CCDC91: variants seen among roughly 807,000 people sequenced by gnomAD.
The protein encoded by CCDC91 is coiled-coil domain containing 91.
CCDC91 carries 48 observed loss-of-function variants against 63.2 expected under a neutral mutation model. The ratio of observed to expected loss-of-function variants is 0.76; its 90% CI spans 0.60 to 0.97. The LOEUF (loss-of-function observed/expected upper bound fraction) is 0.97, where lower values mean the gene tolerates loss of function less well. CCDC91 is among the 50% of genes least tolerant of loss of function. The pLI is 0.00. For synonymous variants in CCDC91, 167 were observed against 165.8 expected, an observed-to-expected ratio of 1.01 and a Z score of -0.06; for missense variants, 500 against 494.6, an observed-to-expected ratio of 1.01 and a Z score of -0.10.
chr12:28,328,365 T>A (rs1412323918), intron 6 of CCDC91, among the ~76,000 whole-genome samples: 18 of 152,246 alleles, frequency 1.2e-4, no homozygotes, highest in Non-Finnish European at 8.8e-5. Flanking sequence ...ACTAGAAAAC[T>A]ATAAATTAAA....
chr12:28,430,098 A>G (rs1386219750), intron 8 of CCDC91, among the ~76,000 whole-genome samples: 3 of 152,074 alleles, frequency 2.0e-5, no homozygotes, highest in African/African-American at 7.2e-5. Flanking sequence ...TACTATTACA[A>G]ATATTTATTT....
At chr12:28,388,345 G>T (rs572465434) in intron 7 of CCDC91, among the ~76,000 whole-genome samples, 215 of 152,216 alleles carry the variant, frequency 1.4e-3, no homozygotes, top group Non-Finnish European at 2.3e-3. Context: ...TGATATGATT[G>T]TATACCTAGT....
chr12:28,534,926 A>G (rs1942031623), intron 12 of CCDC91, among the ~76,000 whole-genome samples: 1 of 152,178 alleles, frequency 6.6e-6, no homozygotes, highest in South Asian at 2.1e-4. Context: ...GCTATCACCA[A>G]AAGACTATAT....
rs117515258 is a variant in CCDC91, at chr12:28,392,900, C to G, written c.762+1489C>G. Among the ~76,000 whole-genome samples the G allele has an allele frequency of 2.2e-3, 335 of 152,218 alleles. 1 individual carries two copies. Among genetic ancestry groups the G allele is most frequent in the Non-Finnish European group, 3.9e-3 (268 of 68,006 alleles). ...TCTAAATTGTTTATTCCCAACATGC[C>G]TAGTATACAGTGGTGAGACAAAGGT... On this transcript the variant is annotated intron_variant, in intron 8 of 12. Transcript: ENST00000536442.
intron 7 of CCDC91, among the ~76,000 whole-genome samples, chr12:28,385,224 T>C (rs1219815604): frequency 2.0e-5 from 3 of 152,180 alleles, no homozygotes; most frequent in African/African-American, 7.2e-5. Context: ...TTTCAGATGA[T>C]ACTTTATGAT....
chr12:28,270,377 G>A (rs767331061), intron 3 of CCDC91, among the ~76,000 whole-genome samples: 1 of 152,124 alleles, frequency 6.6e-6, no homozygotes, highest in Non-Finnish European at 1.5e-5. Context: ...TGTCAAGTCT[G>A]AGGCCATAGA....
At chr12:28,252,594 T>G (rs1946195932) in intron 1 of CCDC91, among the ~76,000 whole-genome samples, 1 of 152,126 alleles carries the variant, frequency 6.6e-6, no homozygotes, top group Non-Finnish European at 1.5e-5. Context: ...CTTGATCATT[T>G]TCTCCCCTGA....
intron 6 of CCDC91, among the ~76,000 whole-genome samples, chr12:28,357,727 C>T (rs558009025): frequency 6.6e-6 from 1 of 152,146 alleles, no homozygotes; most frequent in African/African-American, 2.4e-5. Context: ...CATTTTTTGA[C>T]TTATCTGGGC....
chr12:28,217,347 T>G (rs1656346882), intron 1 of CCDC91, among the ~76,000 whole-genome samples: 1 of 152,164 alleles, frequency 6.6e-6, no homozygotes, highest in African/African-American at 2.4e-5. Context: ...TAAGTTTAGT[T>G]GAACATATTT....
Position 28,302,637 on chromosome 12 carries a change from A to G in CCDC91, c.110-3012A>G, listed in dbSNP as rs1172294232. 7 of 984,716 alleles carry G rather than the reference A, an allele frequency of 7.1e-6. No homozygotes were observed. In the East Asian group the frequency reaches 3.4e-4, roughly 48 times the overall value. The allele number at this position is 984,716 out of a possible 1,614,324, so 61.0% of individuals were successfully genotyped here. A position where few individuals can be genotyped will look rare whatever the true frequency, so the allele number is the denominator to read the frequency against. On this transcript the variant is annotated intron_variant, in intron 3 of 12. Transcript: ENST00000536442. ...GGCAGAGTCAGGGAATGTTAGTAGT[A>G]TGGTGTGACTGGAGTGAAGTTAGCA...
intron 8 of CCDC91, among the ~76,000 whole-genome samples, chr12:28,432,401 G>A (rs1592657446): frequency 6.6e-6 from 1 of 152,160 alleles, no homozygotes; most frequent in East Asian, 1.9e-4. Flanking sequence ...TCTCGTGATA[G>A]TGAATTCTCA....
At chr12:28,273,005 A>G (rs1947892734) in intron 3 of CCDC91, among the ~76,000 whole-genome samples, 1 of 106,252 alleles carries the variant, frequency 9.4e-6, no homozygotes, top group Non-Finnish European at 1.9e-5. Context: ...CCACCCCACA[A>G]CAGGCCCCTG....
intron 6 of CCDC91, among the ~76,000 whole-genome samples, chr12:28,320,736 C>A (rs1387805071): frequency 6.6e-6 from 1 of 151,754 alleles, no homozygotes; most frequent in Non-Finnish European, 1.5e-5. Context: ...TCACAGTGGC[C>A]AGAAAAGCAT....
In CCDC91 at chr12:28,437,563, A is replaced by G. The variant is rs549867400; in HGVS notation, c.763-12598A>G. Reference sequence around the variant, plus strand: ...ACCTTTACAGCTAGATTCTTCAATTATGTTATTTCAATATTATGTACTGGT... The same window carrying G: ...ACCTTTACAGCTAGATTCTTCAATTGTGTTATTTCAATATTATGTACTGGT... On this transcript the variant is annotated intron_variant, in intron 8 of 12. Coordinates refer to ENST00000536442, the MANE Select transcript of CCDC91 (RefSeq NM_018318.5). Among the ~76,000 whole-genome samples the G allele has an allele frequency of 9.7e-4, 147 of 152,186 alleles. 3 individuals carry two copies. Among genetic ancestry groups the G allele is most frequent in the South Asian group, 1.7e-3 (8 of 4,818 alleles).
intron 3 of CCDC91, among the ~76,000 whole-genome samples, chr12:28,303,531 T>C (rs1938313135): frequency 6.6e-6 from 1 of 152,160 alleles, no homozygotes; most frequent in Non-Finnish European, 1.5e-5. Flanking sequence ...TAAATATGAG[T>C]AACATAAATA....
chr12:28,289,153 G>C (rs1219145548), intron 3 of CCDC91, among the ~76,000 whole-genome samples: 1 of 150,706 alleles, frequency 6.6e-6, no homozygotes, highest in Non-Finnish European at 1.5e-5. Context: ...TTGATCTTTT[G>C]AATTTTTTTT....
chr12:28,324,960 T>C (rs963810838), intron 6 of CCDC91, among the ~76,000 whole-genome samples: 8 of 151,854 alleles, frequency 5.3e-5, no homozygotes, highest in Non-Finnish European at 8.8e-5. Context: ...TATGAACGAA[T>C]GTCACTTGGA....
At chr12:28,347,369 T>C (rs1442723121) in intron 6 of CCDC91, among the ~76,000 whole-genome samples, 1 of 152,218 alleles carries the variant, frequency 6.6e-6, no homozygotes, top group African/African-American at 2.4e-5. Flanking sequence ...ATTTCTTTAC[T>C]CTCAGCTGTT....
At chr12:28,547,389 A>G (rs1441355091) in intron 12 of CCDC91, among the ~76,000 whole-genome samples, 1 of 152,020 alleles carries the variant, frequency 6.6e-6, no homozygotes, top group Non-Finnish European at 1.5e-5. Context: ...TACATCTGTC[A>G]TTTTCCAGTA....
Sources: gnomAD v4.1 joint callset for allele counts (sites outside exome capture counted in the v4.1 genomes callset) on GRCh38, gnomAD v4.1.1 for gene constraint, MANE v1.5 for transcripts, NCBI Gene and HGNC (gene_info 2026-07-23, HGNC 2026-07-21) for gene names.